The following RP1 variants were observed in gnomAD, a reference collection of about 807,000 sequenced individuals.
RP1 encodes the protein RP1 axonemal microtubule associated.
Under a neutral mutation model 14.8 loss-of-function variants are expected in RP1, and 16 were observed. That is an observed-to-expected ratio of 1.08 (90% CI 0.73 to 1.65). The LOEUF (loss-of-function observed/expected upper bound fraction) is 1.65. RP1 is among the 40% of genes most tolerant of loss of function. The pLI, the probability that RP1 is intolerant of heterozygous loss-of-function variation, is 0.00. For synonymous variants in RP1, 876 were observed against 883.6 expected (o/e 0.99, Z 0.15); for missense variants, 2,631 against 2,535.0 (o/e 1.04, Z -0.81).
In RP1 at chr8:54,794,059, AGTAT is replaced by A. The variant is rs1187646834; in HGVS notation, c.3615+10353_3615+10356del. ...ATAAGTCATTGTTGAAAGAAATTAA[AGTAT>A]GTACAATTAAACGGAAAGATATTCC... is the stretch of plus-strand genomic sequence containing the variant. On this transcript the variant is annotated intron_variant, in intron 24 of 28. Coordinates refer to the RP1 transcript ENST00000637698. Among the ~76,000 whole-genome samples the A allele has an allele frequency of 2.0e-5, 3 of 151,998 alleles. No individual in the cohort carries two copies. The East Asian group carries it at 5.8e-4, about 29-fold the overall frequency.
At chr8:54,733,338 A>G (rs1270889854) in intron 17 of RP1, among the ~76,000 whole-genome samples, 1 of 152,196 alleles carries the variant, frequency 6.6e-6, no homozygotes, top group Non-Finnish European at 1.5e-5. Context: ...TGCATATAAT[A>G]GGAGCTTAAA....
intron 12 of RP1, among the ~76,000 whole-genome samples, chr8:54,698,890 G>T (rs1180675709): frequency 1.3e-5 from 2 of 152,036 alleles, no homozygotes; most frequent in Non-Finnish European, 2.9e-5. Flanking sequence ...GCCTATCGGG[G>T]GTTGGGGTCC....
intron 24 of RP1, among the ~76,000 whole-genome samples, chr8:54,796,396 T>A (rs1193295404): frequency 1.3e-5 from 2 of 152,130 alleles, no homozygotes; most frequent in African/African-American, 4.8e-5. Flanking sequence ...CAGTTATAGG[T>A]TGAATTGTGT....
intron 20 of RP1, chr8:54,755,565 T>C (rs1409782770): frequency 1.3e-6 from 2 of 1,514,074 alleles, no homozygotes; most frequent in Non-Finnish European, 1.8e-6. Flanking sequence ...TCTGTTTGTA[T>C]GGATTTCAAG....
chr8:54,695,382 A>C (rs1807834511), intron 12 of RP1, among the ~76,000 whole-genome samples: 1 of 152,122 alleles, frequency 6.6e-6, no homozygotes, highest in South Asian at 2.1e-4. Context: ...CCATCTCTTC[A>C]TAGAACTTGT....
Position 54,620,957 on chromosome 8 carries a change from C to T in RP1, c.-10C>T. On this transcript the variant is annotated splice_region_variant and 5_prime_UTR_variant, in exon 2 of 4. Coordinates refer to ENST00000220676, the MANE Select transcript of RP1 (RefSeq NM_006269.2). Reference sequence around the variant, plus strand: ...AGATAATTTTCTTTCTTCTCTAGGTCTCAGCCAAAATGAGTGATACCCCTT... The same window carrying T: ...AGATAATTTTCTTTCTTCTCTAGGTTTCAGCCAAAATGAGTGATACCCCTT... 1 of 1,614,066 alleles carries T rather than the reference C, an allele frequency of 6.2e-7. No individual in the cohort carries two copies. The highest frequency in any genetic ancestry group is 1.1e-5 in the South Asian group (1 of 91,068).
At chr8:54,562,638 C>T (rs751411772) in intron 1 of RP1, among the ~76,000 whole-genome samples, 8 of 151,296 alleles carry the variant, frequency 5.3e-5, no homozygotes, top group African/African-American at 9.7e-5. Context: ...GGTGCCATGG[C>T]ACTCTAGCCT....
chr8:54,767,435 C>G (rs1809788841), intron 22 of RP1, among the ~76,000 whole-genome samples: 1 of 151,604 alleles, frequency 6.6e-6, no homozygotes, highest in Non-Finnish European at 1.5e-5. Flanking sequence ...TCTCAGCCTA[C>G]TGCAACCTCT....
At chr8:54,685,522 T>C (rs1043719011) in intron 12 of RP1, among the ~76,000 whole-genome samples, 1 of 152,214 alleles carries the variant, frequency 6.6e-6, no homozygotes, top group Non-Finnish European at 1.5e-5. Flanking sequence ...TGAGAGACTG[T>C]TATGATTTCA....
intron 3 of RP1, among the ~76,000 whole-genome samples, chr8:54,644,085 C>A (rs1249756424): frequency 6.6e-6 from 1 of 152,000 alleles, no homozygotes; most frequent in Non-Finnish European, 1.5e-5. Flanking sequence ...GCATCTCGGA[C>A]CAAAATTCCT....
chr8:54,819,267 A>C (rs935516269), intron 24 of RP1, among the ~76,000 whole-genome samples: 2 of 151,846 alleles, frequency 1.3e-5, no homozygotes, highest in Non-Finnish European at 2.9e-5. Flanking sequence ...ATTTTTCAGT[A>C]TGCCACTTGC....
intron 17 of RP1, among the ~76,000 whole-genome samples, chr8:54,729,479 C>T (rs1808739380): frequency 2.6e-5 from 4 of 151,974 alleles, no homozygotes; most frequent in African/African-American, 7.3e-5. Context: ...AAACAGCAGT[C>T]AGTAAATTCT....
intron 27 of RP1, among the ~76,000 whole-genome samples, chr8:54,863,684 C>T (rs942719957): frequency 2.6e-4 from 39 of 152,190 alleles, no homozygotes; most frequent in Non-Finnish European, 5.9e-5. Flanking sequence ...TGCATGGAAT[C>T]TATATGCACA....
chr8:54,783,744 G>A lies in RP1; in HGVS notation c.3615+34G>A, dbSNP rs1585688737. 3 of 1,156,040 alleles carry A rather than the reference G, an allele frequency of 2.6e-6. No homozygotes were observed. In the East Asian group the frequency reaches 9.6e-5, roughly 37 times the overall value. The allele number at this position is 1,156,040 out of a possible 1,614,324, so 71.6% of individuals were successfully genotyped here. On this transcript the variant is annotated intron_variant, in intron 24 of 28. Transcript: ENST00000637698. Reference sequence around the variant, plus strand: ...GATACAGCTATAACTTGTTTGCTAAGATATATTGTGATATACATCCCCGAA... The same window carrying A: ...GATACAGCTATAACTTGTTTGCTAAAATATATTGTGATATACATCCCCGAA...
At chr8:54,840,968 T>A (rs1369973815) in intron 25 of RP1, among the ~76,000 whole-genome samples, 1 of 152,168 alleles carries the variant, frequency 6.6e-6, no homozygotes, top group African/African-American at 2.4e-5. Flanking sequence ...GATTAAATAT[T>A]TGCACATTTA....
intron 1 of RP1, among the ~76,000 whole-genome samples, chr8:54,599,940 C>T (rs1192879004): frequency 6.6e-6 from 1 of 152,156 alleles, no homozygotes; most frequent in East Asian, 1.9e-4. Context: ...CTCTTTACTA[C>T]CAGATGTGGA....
chr8:54,791,427 T>C (rs1282913851), intron 24 of RP1, among the ~76,000 whole-genome samples: 2 of 152,040 alleles, frequency 1.3e-5, no homozygotes, highest in Non-Finnish European at 2.9e-5. Flanking sequence ...AATAAATATA[T>C]ATAGTCAAAG....
At chr8:54,832,826 T>G (rs919829465) in intron 24 of RP1, among the ~76,000 whole-genome samples, 10 of 151,980 alleles carry the variant, frequency 6.6e-5, no homozygotes, top group Non-Finnish European at 1.2e-4. Context: ...GCTTTATCCT[T>G]AGTCTTGAGA....
chr8:54,715,390 G>T (rs1227807889), intron 15 of RP1, among the ~76,000 whole-genome samples: 1 of 150,030 alleles, frequency 6.7e-6, no homozygotes, highest in African/African-American at 2.5e-5. Flanking sequence ...TTAAATGAAA[G>T]CAGGAAAGAG....
Sources: gnomAD v4.1 joint callset for allele counts (sites outside exome capture counted in the v4.1 genomes callset) on GRCh38, gnomAD v4.1.1 for gene constraint, MANE v1.5 for transcripts, NCBI Gene and HGNC (gene_info 2026-07-23, HGNC 2026-07-21) for gene names.